Variants in DAZAP1 observed in about 807,000 individuals in gnomAD.
DAZAP1 encodes DAZ-associated protein 1.
In DAZAP1, 6 loss-of-function variants were observed where a neutral mutation model predicts 60.1. The ratio of observed to expected loss-of-function variants is 0.10; its 90% confidence interval spans 0.05 to 0.20. The LOEUF (loss-of-function observed/expected upper bound fraction) is 0.20, where lower values mean the gene tolerates loss of function less well. Among genes scored for constraint, DAZAP1 ranks in the 10% least tolerant of loss-of-function variants. The pLI, the probability that DAZAP1 is intolerant of heterozygous loss-of-function variation, is 1.00. For missense variants in DAZAP1, 366 were observed against 560.4 expected, an observed-to-expected ratio of 0.65 and a Z score of 3.50; for synonymous variants, 235 against 215.9, an observed-to-expected ratio of 1.09 and a Z score of -0.78.
intron 6 of DAZAP1, among the ~76,000 whole-genome samples, chr19:1,424,857 C>T (rs983824585): frequency 6.6e-6 from 1 of 152,192 alleles, no homozygotes; most frequent in Non-Finnish European, 1.5e-5. Flanking sequence ...GCCTGGGCCC[C>T]GCCTCGGGAG....
intron 4 of DAZAP1, among the ~76,000 whole-genome samples, chr19:1,420,943 C>T (rs1406049497): frequency 6.6e-6 from 1 of 152,226 alleles, no homozygotes; most frequent in East Asian, 1.9e-4. Context: ...TGCTCAATCC[C>T]TGTCTCCTTG....
At chr19:1,411,136 G>T (rs1298647553) in intron 1 of DAZAP1, among the ~76,000 whole-genome samples, 1 of 152,234 alleles carries the variant, frequency 6.6e-6, no homozygotes, top group African/African-American at 2.4e-5. Flanking sequence ...TGATCTGGGG[G>T]AGGCTGTTGC....
At chr19:1,424,925 C>T (rs1403302983) in intron 6 of DAZAP1, among the ~76,000 whole-genome samples, 2 of 152,324 alleles carry the variant, frequency 1.3e-5, no homozygotes, top group African/African-American at 2.4e-5. Flanking sequence ...GAGAGCCCGG[C>T]GCACTCCTGC....
chr19:1,408,382 G>A (rs1211913811), intron 1 of DAZAP1, among the ~76,000 whole-genome samples: 1 of 152,202 alleles, frequency 6.6e-6, no homozygotes, highest in East Asian at 1.9e-4. Context: ...CTGGCCAGGG[G>A]GACCCCAAAC....
intron 10 of DAZAP1, among the ~76,000 whole-genome samples, chr19:1,431,274 G>C (rs1383847903): frequency 1.3e-5 from 2 of 150,976 alleles, no homozygotes; most frequent in Admixed American, 1.3e-4. Context: ...GACTACAGGC[G>C]CCCACCACCA....
At chr19:1,410,289 C>G (rs573249714) in intron 1 of DAZAP1, among the ~76,000 whole-genome samples, 1 of 152,132 alleles carries the variant, frequency 6.6e-6, no homozygotes, top group South Asian at 2.1e-4. Flanking sequence ...GAAGCGCATA[C>G]GTGTGGTGGG....
chr19:1,423,195 T>G lies in DAZAP1; in HGVS notation c.463+799T>G, dbSNP rs920917082. On this transcript the variant is annotated intron_variant, in intron 6 of 11. Transcript: ENST00000233078. The surrounding 1 kb of genome is among the most constrained non-coding windows in gnomAD (Gnocchi z 6.8). Reference sequence around the variant, plus strand: ...CCGAGCGCCAGGTGGCGCCGCAGCATGCCCACCATGCTGGAGCATAGTTTG... The same window carrying G: ...CCGAGCGCCAGGTGGCGCCGCAGCAGGCCCACCATGCTGGAGCATAGTTTG... 6.6e-6 allele frequency among the ~76,000 whole-genome samples: 1 copy of G among 152,244 alleles called. No individual in the cohort carries two copies. The highest frequency in any genetic ancestry group is 1.5e-5 in the Non-Finnish European group (1 of 68,042).
chr19:1,415,513 G>A (rs1306285328), intron 1 of DAZAP1, among the ~76,000 whole-genome samples: 1 of 151,610 alleles, frequency 6.6e-6, no homozygotes, highest in Admixed American at 6.6e-5. Flanking sequence ...GGTGGGGGCT[G>A]CTGCTGGCTC....
chr19:1,429,436 AG>A (rs2083386596), intron 8 of DAZAP1, among the ~76,000 whole-genome samples: 1 of 152,132 alleles, frequency 6.6e-6, no homozygotes, highest in Non-Finnish European at 1.5e-5. Flanking sequence ...GGCCCTCTGT[AG>A]TTAGGCCCAC....
intron 1 of DAZAP1, among the ~76,000 whole-genome samples, chr19:1,410,435 C>T (rs2082794826): frequency 6.6e-6 from 1 of 152,164 alleles, no homozygotes; most frequent in Non-Finnish European, 1.5e-5. Context: ...AGGCACTGAC[C>T]TGTCAGGAGG....
chr19:1,412,372 G>A (rs1258267688), intron 1 of DAZAP1, among the ~76,000 whole-genome samples: 2 of 152,200 alleles, frequency 1.3e-5, no homozygotes, highest in African/African-American at 4.8e-5. Flanking sequence ...TGGAAGAAGA[G>A]AAGGGTTCCC....
At position 1,431,418 on chromosome 19, in the gene DAZAP1, C is replaced by T. The variant is rs554499248; in HGVS notation, c.871+1056C>T. ...CGCTGGGATTAGAAGCGTGAGCCAC[C>T]GCGCCCGGACTATTTTATTTATTTT... On this transcript the variant is annotated intron_variant, in intron 10 of 11. Transcript: ENST00000233078. 3.3e-4 allele frequency among the ~76,000 whole-genome samples: 50 copies of T among 152,046 alleles called. 1 individual carries two copies. In the South Asian group the frequency reaches 4.6e-3, roughly 14 times the overall value.
At position 1,433,531 on chromosome 19, in the gene DAZAP1, C is replaced by A; in HGVS notation, c.1048+841C>A. On this transcript the variant is annotated intron_variant, in intron 11 of 11. Transcript: ENST00000233078. The surrounding 1 kb of genome is among the most constrained non-coding windows in gnomAD (Gnocchi z 6.1). ...GGCCGAGGTGCCCGCCCACCCACCT[C>A]GCATGGCTGTGGTTCCCCTGCCCCC... 7.1e-6 allele frequency: 4 copies of A among 560,568 alleles called. No individual in the cohort carries two copies. The highest frequency in any genetic ancestry group is 9.6e-6 in the Non-Finnish European group (3 of 312,304). The allele number at this position is 560,568 out of a possible 1,614,324, so 34.7% of individuals were successfully genotyped here. A position where few individuals can be genotyped will look rare whatever the true frequency, so the allele number is the denominator to read the frequency against.
intron 6 of DAZAP1, among the ~76,000 whole-genome samples, chr19:1,424,324 CCTCTTCCCCCTCCCCCTCCTCCT>C (rs2083247160): frequency 1.4e-5 from 2 of 142,670 alleles, no homozygotes; most frequent in African/African-American, 5.2e-5. Flanking sequence ...TCTTCCTCCT[CCTCTTCCCCCTCCCCCTCCTCCT>C]CCCCCTCCCC....
At chr19:1,419,567 C>A (rs544530157) in intron 4 of DAZAP1, among the ~76,000 whole-genome samples, 1 of 152,218 alleles carries the variant, frequency 6.6e-6, no homozygotes, top group Non-Finnish European at 1.5e-5. Context: ...GTGTCCAGGC[C>A]GTGTTCCCAG....
rs1464362063 is a variant in DAZAP1 at position 1,428,436 on chromosome 19, A to C, written c.547-406A>C. On this transcript the variant is annotated intron_variant, in intron 7 of 11. Coordinates refer to ENST00000233078, the MANE Select transcript of DAZAP1 (RefSeq NM_018959.4). This position sits in a 1 kb window ranked among gnomAD's most constrained non-coding sequence, Gnocchi z 4.0. The stretch of plus-strand genomic sequence containing the variant: ...GGTGGGCGGGCTCCAAGCAGTCCAG[A>C]GGGCGATGAGGATGCCGATTGCTGG... 1 of 174,660 alleles carries C rather than the reference A, an allele frequency of 5.7e-6. No individual in the cohort carries two copies. The highest frequency in any genetic ancestry group is 2.4e-5 in the African/African-American group (1 of 41,614). The allele number at this position is 174,660 out of a possible 1,614,324, so 10.8% of individuals were successfully genotyped here. A position where few individuals can be genotyped will look rare whatever the true frequency, so the allele number is the denominator to read the frequency against.
chr19:1,419,556 T>C (rs1342934025), intron 4 of DAZAP1, among the ~76,000 whole-genome samples: 2 of 152,258 alleles, frequency 1.3e-5, no homozygotes, highest in African/African-American at 4.8e-5. Context: ...CCGTGTCATC[T>C]GTGTCCAGGC....
In DAZAP1 at chr19:1,434,841, C is replaced by T. The variant is rs1276498850; in HGVS notation, c.1153C>T (p.Pro385Ser). The change falls in exon 12 of 12, where the codon CCC becomes TCC. Residue 385 changes from proline (P) to serine (S), a missense_variant. Pro to Ser is a moderately conservative substitution (Grantham distance 74). This residue lies in a region of DAZAP1 where 240 missense variants were observed against 308.8 expected (regional missense o/e 0.78). Transcript: ENST00000233078. This position sits in a 1 kb window ranked among gnomAD's most constrained non-coding sequence, Gnocchi z 8.0. ...GPSVPGSGGP[P>S]AGGSGFGRGQ... Reference sequence around the variant, plus strand: ...CTCCGTGCCAGGGTCGGGGGGCCCCCCCGCCGGCGGCAGCGGCTTTGGACG... The same window carrying T: ...CTCCGTGCCAGGGTCGGGGGGCCCCTCCGCCGGCGGCAGCGGCTTTGGACG... The T allele has an allele frequency of 1.2e-6, 2 of 1,604,408 alleles. No individual in the cohort carries two copies. Among genetic ancestry groups the T allele is most frequent in the African/African-American group, 2.7e-5 (2 of 74,406 alleles).
chr19:1,414,847 A>C (rs745538986), intron 1 of DAZAP1, among the ~76,000 whole-genome samples: 2 of 151,582 alleles, frequency 1.3e-5, no homozygotes, highest in Non-Finnish European at 2.9e-5. Flanking sequence ...TTTATTTAAG[A>C]GATGAGATCT....
Sources: gnomAD v4.1 joint callset for allele counts (sites outside exome capture counted in the v4.1 genomes callset) on GRCh38, gnomAD v4.1.1 for gene constraint, gnomAD v4.1.1 regional missense constraint, Gnocchi (gnomAD v3.1) non-coding constraint, MANE v1.5 for transcripts, NCBI Gene and HGNC (gene_info 2026-07-23, HGNC 2026-07-21) for gene names.